DMD: variants seen among roughly 807,000 people sequenced by gnomAD.
DMD encodes the protein dystrophin, also known as mutant dystrophin.
Under a neutral mutation model 330.1 loss-of-function variants are expected in DMD, and 63 were observed. The ratio of observed to expected loss-of-function variants is 0.19; its 90% CI spans 0.16 to 0.24. The LOEUF (loss-of-function observed/expected upper bound fraction) is 0.24, where lower values mean the gene tolerates loss of function less well. Ranked by LOEUF, DMD falls within the 10% of genes least tolerant of loss-of-function variation. The probability of loss-of-function intolerance (pLI) is 1.00; values close to 1 mark genes in which losing one functional copy is unlikely to be tolerated. For synonymous variants in DMD, 1,223 were observed against 959.8 expected (o/e 1.27, Z -5.07); for missense variants, 3,344 against 2,684.1 (o/e 1.25, Z -5.43).
chrX:33,227,521 C>T (rs746935768), intron 1 of DMD, among the ~76,000 whole-genome samples: 1 of 110,837 alleles, frequency 9.0e-6, no homozygotes, highest in East Asian at 2.8e-4. Flanking sequence ...CTTAGTTGTG[C>T]ATATTTTTCG....
intron 13 of DMD, among the ~76,000 whole-genome samples, chrX:32,587,169 G>C (rs1044203820): frequency 1.8e-5 from 2 of 111,737 alleles, no homozygotes; most frequent in African/African-American, 6.5e-5. Flanking sequence ...TAGGTGATGA[G>C]AGAAAAATCT....
intron 52 of DMD, among the ~76,000 whole-genome samples, chrX:31,721,706 CTCTCTCTCTCTCTATA>C (rs1298934576): frequency 3.0e-3 from 148 of 49,298 alleles, no homozygotes; most frequent in East Asian, 5.3e-3. Flanking sequence ...CTCTCTCTCT[CTCTCTCTCTCTCTATA>C]TATATATATA....
intron 43 of DMD, among the ~76,000 whole-genome samples, chrX:32,237,008 G>A (rs1409920466): frequency 9.0e-6 from 1 of 111,324 alleles, no homozygotes; most frequent in Non-Finnish European, 1.9e-5. Flanking sequence ...TATACTATCT[G>A]AGCCTATGTC....
intron 40 of DMD, among the ~76,000 whole-genome samples, 176 bp from the exon 41 acceptor site, chrX:32,342,458 A>G (rs1386401851): frequency 1.8e-5 from 2 of 112,225 alleles, no homozygotes; most frequent in African/African-American, 6.5e-5. Flanking sequence ...CCCAAATATT[A>G]TTTCAGTTAT....
At chrX:32,199,780 TTGTGTGTGTGTGTGTGTGTGTGTG>T (rs35897988) in intron 44 of DMD, among the ~76,000 whole-genome samples, 38,782 of 83,883 alleles carry the variant, frequency 0.46, 6,664 homozygotes, top group Middle Eastern at 0.7. Flanking sequence ...CGCAAGGCTT[TTGTGTGTGTGTGTGTGTGTGTGTG>T]TGTGTGTGTG....
At chrX:33,235,103 T>C (rs1355576789) in intron 1 of DMD, among the ~76,000 whole-genome samples, 5 of 111,998 alleles carry the variant, frequency 4.5e-5, no homozygotes, top group Non-Finnish European at 9.4e-5. Context: ...TGGGGGTAAC[T>C]AAGAGAATTA....
intron 51 of DMD, among the ~76,000 whole-genome samples, chrX:31,769,323 T>C (rs1339765932): frequency 8.9e-6 from 1 of 112,608 alleles, no homozygotes; most frequent in African/African-American, 3.2e-5. Context: ...CTTTGTTGAA[T>C]ATGAAGTTTC....
intron 1 of DMD, among the ~76,000 whole-genome samples, chrX:33,068,664 G>A (rs2094700129): frequency 8.9e-6 from 1 of 112,524 alleles, no homozygotes; most frequent in South Asian, 3.6e-4. Flanking sequence ...CATACAGTGA[G>A]AGAAAGAGAG....
chrX:31,389,691 T>C (rs774772444), intron 60 of DMD, among the ~76,000 whole-genome samples: 2 of 112,462 alleles, frequency 1.8e-5, no homozygotes, highest in South Asian at 7.4e-4. Context: ...TTGTGAAATG[T>C]AAAGAATTAT....
At chrX:31,649,772 G>A (rs781332106) in intron 54 of DMD, among the ~76,000 whole-genome samples, 5 of 110,710 alleles carry the variant, frequency 4.5e-5, no homozygotes, top group South Asian at 3.9e-4. Context: ...AGAGCCGAAA[G>A]ACACATTTTC....
At chrX:32,778,352 G>A (rs1306075895) in intron 7 of DMD, among the ~76,000 whole-genome samples, 2 of 110,308 alleles carry the variant, frequency 1.8e-5, no homozygotes, top group African/African-American at 6.6e-5. Flanking sequence ...GAGCACTGCT[G>A]GACTTCTACC....
intron 7 of DMD, among the ~76,000 whole-genome samples, chrX:32,760,250 T>C (rs940053373): frequency 2.7e-5 from 3 of 111,850 alleles, no homozygotes; most frequent in Non-Finnish European, 5.6e-5. Context: ...TTACACTACC[T>C]TCTATTAAAA....
At chrX:31,636,448 T>C (rs183303565) in intron 54 of DMD, among the ~76,000 whole-genome samples, 1 of 112,009 alleles carries the variant, frequency 8.9e-6, no homozygotes, top group East Asian at 2.8e-4. Flanking sequence ...GATCCACAGA[T>C]AGCACCTCCT....
rs2149349410 is a variant in DMD, at chrX:32,614,301, A to T, written c.1482+2T>A. The T allele has an allele frequency of 8.3e-7, 1 of 1,207,865 alleles. No homozygotes were observed. On this transcript the variant is annotated splice_donor_variant, in intron 12 of 78. Transcript: ENST00000357033. LOFTEE classifies it high-confidence loss of function. ...AAAGCACGCAACATAAGATACACCT[A>T]CCTTATGTTGTTGTACTTGGCGTTT... is the stretch of plus-strand genomic sequence containing the variant.
At chrX:31,165,052 C>T (rs769335069) in intron 74 of DMD, among the ~76,000 whole-genome samples, 115 of 111,610 alleles carry the variant, frequency 1.0e-3, no homozygotes, top group African/African-American at 3.6e-3. Context: ...TGCACAAAGA[C>T]CTAATGAAAG....
intron 15 of DMD, among the ~76,000 whole-genome samples, chrX:32,566,631 T>C (rs1304600321): frequency 8.9e-6 from 1 of 112,402 alleles, no homozygotes; most frequent in Non-Finnish European, 1.9e-5. Flanking sequence ...TATGAAGCAA[T>C]TTTTATACCA....
intron 44 of DMD, among the ~76,000 whole-genome samples, chrX:32,196,936 A>T (rs2097005156): frequency 1.0e-5 from 1 of 97,511 alleles, no homozygotes; most frequent in African/African-American, 3.9e-5. Context: ...CAGTGAGCCA[A>T]GATCGCGCCA....
At chrX:32,383,271 T>A (rs1007525221) in intron 33 of DMD, among the ~76,000 whole-genome samples, 13 of 110,991 alleles carry the variant, frequency 1.2e-4, no homozygotes, top group African/African-American at 3.9e-4. Context: ...TCAATTTACC[T>A]AGTTTATTTT....
chrX:31,902,829 T>C (rs12011119), intron 47 of DMD, among the ~76,000 whole-genome samples: 5,558 of 111,527 alleles, frequency 0.05, 337 homozygotes, highest in African/African-American at 0.17. Flanking sequence ...AATGATTTTT[T>C]CCCCTTTAAG....
Sources: allele counts gnomAD v4.1 joint callset (sites outside exome capture counted in the v4.1 genomes callset), GRCh38; gene constraint gnomAD v4.1.1; transcripts MANE v1.5; gene names NCBI Gene and HGNC (gene_info 2026-07-23, HGNC 2026-07-21).